Variants in SPARCL1 observed in about 807,000 individuals in gnomAD.
The protein encoded by SPARCL1 is SPARC-like protein 1.
In SPARCL1, 52 loss-of-function variants were observed where a neutral mutation model predicts 67.1. That is an observed-to-expected ratio of 0.78 (90% CI 0.62 to 0.98). SPARCL1 has a LOEUF of 0.98. Among genes scored for constraint, SPARCL1 ranks in the 50% least tolerant of loss-of-function variants. The pLI is 0.00. For synonymous variants in SPARCL1, 226 were observed against 267.8 expected (o/e 0.84, Z 1.52); for missense variants, 717 against 782.4 (o/e 0.92, Z 1.00).
At chr4:87,518,536 A>G (rs916583726) in intron 1 of SPARCL1, among the ~76,000 whole-genome samples, 19 of 152,346 alleles carry the variant, frequency 1.2e-4, no homozygotes, top group Middle Eastern at 3.4e-3. Flanking sequence ...TATCAGTGAG[A>G]TGATGCTGAT....
intron 8 of SPARCL1, 141 bp downstream of exon 8, chr4:87,482,283 T>C: frequency 2.5e-6 from 2 of 809,258 alleles, no homozygotes; most frequent in Non-Finnish European, 3.9e-6. Context: ...TATTATTCTG[T>C]TAAGCCACAT....
At chr4:87,528,223 AC>A (rs1411432814) in intron 1 of SPARCL1, 1 of 150,968 alleles carries the variant, frequency 6.6e-6, no homozygotes, top group Non-Finnish European at 1.5e-5. Flanking sequence ...TTGCAGAGTG[AC>A]CTTTAATACC....
chr4:87,474,743 C>CTTTTT (rs11397474), intron 10 of SPARCL1, among the ~76,000 whole-genome samples: 35 of 130,726 alleles, frequency 2.7e-4, no homozygotes, highest in South Asian at 4.7e-4. Context: ...CTCTCTCTCT[C>CTTTTT]TTTTTTTTTT....
At chr4:87,475,739 A>G (rs2110208355) in intron 10 of SPARCL1, among the ~76,000 whole-genome samples, 1 of 152,330 alleles carries the variant, frequency 6.6e-6, no homozygotes, top group East Asian at 1.9e-4. Flanking sequence ...GTCTAAAAAC[A>G]ACATGCTGGT....
At position 87,520,860 on chromosome 4, in the gene SPARCL1, C is replaced by G. The variant is rs59823209; in HGVS notation, c.-12+8185G>C. Among the ~76,000 whole-genome samples the G allele has an allele frequency of 7.2e-5, 11 of 152,280 alleles. No individual in the cohort carries two copies. The East Asian group carries it at 2.1e-3, about 29-fold the overall frequency. ...TGGGCCATGTGTGTGTCAGCTACCC[C>G]CATCTCTGATGAAAAGCTATGTGTG... On this transcript the variant is annotated intron_variant, in intron 1 of 10. Coordinates refer to ENST00000282470, the MANE Select transcript of SPARCL1 (RefSeq NM_004684.6).
At chr4:87,504,198 G>A (rs1724982269) in intron 1 of SPARCL1, among the ~76,000 whole-genome samples, 1 of 131,514 alleles carries the variant, frequency 7.6e-6, no homozygotes, top group Non-Finnish European at 1.7e-5. Flanking sequence ...GGTGGGGGTG[G>A]GAGGGTTGAA....
chr4:87,474,519 T>A (rs1393198599), intron 10 of SPARCL1, among the ~76,000 whole-genome samples: 2 of 152,182 alleles, frequency 1.3e-5, no homozygotes, highest in African/African-American at 4.8e-5. Context: ...AGATAAGAGA[T>A]TGTCCTTTTT....
intron 1 of SPARCL1, among the ~76,000 whole-genome samples, chr4:87,505,276 C>G (rs536582985): frequency 6.6e-6 from 1 of 152,218 alleles, no homozygotes; most frequent in South Asian, 2.1e-4. Context: ...ATCTTTTCCC[C>G]TTAAACTACT....
intron 1 of SPARCL1, among the ~76,000 whole-genome samples, chr4:87,527,360 G>A (rs1233377676): frequency 6.6e-6 from 1 of 151,976 alleles, no homozygotes; most frequent in Non-Finnish European, 1.5e-5. Context: ...GGATAAGTGA[G>A]GACTATGTGC....
At chr4:87,498,904 C>G (rs188991944) in intron 2 of SPARCL1, among the ~76,000 whole-genome samples, 1 of 150,456 alleles carries the variant, frequency 6.6e-6, no homozygotes, top group Non-Finnish European at 1.5e-5. Flanking sequence ...GACGGAGTCT[C>G]ACTCTGTTGC....
At chr4:87,526,394 A>C (rs1416358084) in intron 1 of SPARCL1, among the ~76,000 whole-genome samples, 2 of 152,240 alleles carry the variant, frequency 1.3e-5, no homozygotes, top group African/African-American at 4.8e-5. Flanking sequence ...GGCCTCACTG[A>C]TATACGAGAT....
In SPARCL1 at chr4:87,473,698, T is replaced by C; in HGVS notation, c.*77A>G. ...ATTTTGCTAAATATAAATCTACAAG[T>C]ATCACAGCTGCATATATTTCTGAAG... On this transcript the variant is annotated 3_prime_UTR_variant, in exon 11 of 11. Coordinates refer to ENST00000282470, the MANE Select transcript of SPARCL1 (RefSeq NM_004684.6). The C allele has an allele frequency of 9.9e-7, 1 of 1,005,374 alleles. No homozygotes were observed. 62.3% of individuals were successfully genotyped at this position (1,005,374 alleles called of 1,614,324 possible).
In SPARCL1 at chr4:87,494,280, G is replaced by C. The variant is rs756928892; in HGVS notation, c.520C>G (p.Gln174Glu). 29 of 1,614,004 alleles carry C rather than the reference G, an allele frequency of 1.8e-5. No individual in the cohort carries two copies. The highest frequency in any genetic ancestry group is 1.7e-4 in the Middle Eastern group (1 of 6,060). Residue 174 changes from glutamine (Q) to glutamate (E), a missense_variant, in exon 4 of 11, where the codon CAG (glutamine) becomes GAG (glutamate). Physicochemically the swap from Gln to Glu is conservative, Grantham distance 29. Coordinates refer to ENST00000282470, the MANE Select transcript of SPARCL1 (RefSeq NM_004684.6). ...QEQPRNYSHH[Q>E]LNRSSKHSQG... ...CTATGTTTACTGCTCCTGTTCAACTGATGATGTGAATAATTTCTAGGTTGT... is the reference window on the plus strand; with the variant it reads ...CTATGTTTACTGCTCCTGTTCAACTCATGATGTGAATAATTTCTAGGTTGT...
chr4:87,514,714 C>A (rs778116499), intron 1 of SPARCL1, among the ~76,000 whole-genome samples: 3 of 152,112 alleles, frequency 2.0e-5, no homozygotes, highest in Admixed American at 6.6e-5. Context: ...ACATATTGAT[C>A]AAAAATAATT....
At chr4:87,481,591 A>G (rs1440208359) in intron 8 of SPARCL1, among the ~76,000 whole-genome samples, 1 of 152,098 alleles carries the variant, frequency 6.6e-6, no homozygotes, top group Non-Finnish European at 1.5e-5. Flanking sequence ...TCCCTGGCCA[A>G]TTCTCAGTCT....
chr4:87,490,685 T>C, intron 6 of SPARCL1, 75 bp downstream of exon 6: 2 of 1,077,446 alleles, frequency 1.9e-6, no homozygotes, highest in Admixed American at 2.4e-5. Context: ...TAAGCAAAAA[T>C]TTCAATGGCA....
At position 87,493,677 on chromosome 4, in the gene SPARCL1, G is replaced by A; in HGVS notation, c.1123C>T (p.Gln375Ter). The A allele has an allele frequency of 6.2e-7, 1 of 1,614,052 alleles. No individual in the cohort carries two copies. Among genetic ancestry groups the A allele is most frequent in the African/African-American group, 1.3e-5 (1 of 75,024 alleles). The change falls in exon 4 of 11, where the codon CAA becomes TAA. Residue 375 changes from glutamine to a stop codon, truncating the protein, a stop_gained. Transcript: ENST00000282470. LOFTEE classifies it high-confidence loss of function. The stretch of plus-strand genomic sequence containing the variant: ...ATTTTGAGGTGATAGGCAATGGATT[G>A]AGCTCTCTCGGCCTCCAGAAAGGCC... ...SQAFLEAERAQSIAYHLKIEE... is the reference protein window; with the variant it reads ...SQAFLEAERA
intron 7 of SPARCL1, among the ~76,000 whole-genome samples, chr4:87,486,916 T>TTTTTTTTTTTTTTTTTTTC (rs1724094363): frequency 1.3e-5 from 1 of 76,986 alleles, no homozygotes; most frequent in African/African-American, 4.8e-5. Flanking sequence ...TTTTTTTTTT[T>TTTTTTTTTTTTTTTTTTTC]TTTTTTTTTT....
In SPARCL1 at chr4:87,494,484, G is replaced by C. The variant is rs1049544; in HGVS notation, c.316C>G (p.His106Asp). The change falls in exon 4 of 11, where the codon CAC becomes GAC. Residue 106 changes from histidine to aspartate, a missense_variant. By Grantham distance (81) the His-to-Asp change is moderately conservative. Coordinates refer to ENST00000282470, the MANE Select transcript of SPARCL1 (RefSeq NM_004684.6). ...GLKDQEDSDG[H>D]LSVNLEYAPT... ...GCATACTCCAAATTCACACTTAAGTGACCATCACTGTCCTCTTGATCCTTC... is the reference window on the plus strand; with the variant it reads ...GCATACTCCAAATTCACACTTAAGTCACCATCACTGTCCTCTTGATCCTTC... 651,098 of 1,613,206 alleles carry C rather than the reference G, an allele frequency of 0.4. 141,115 individuals are homozygous for C. The highest frequency in any genetic ancestry group is 0.81 in the African/African-American group (60,812 of 74,898).
Sources: allele counts gnomAD v4.1 joint callset (sites outside exome capture counted in the v4.1 genomes callset), GRCh38; gene constraint gnomAD v4.1.1; transcripts MANE v1.5; gene names NCBI Gene and HGNC (gene_info 2026-07-23, HGNC 2026-07-21).